ACTN3: variants seen among roughly 807,000 people sequenced by gnomAD.
ACTN3 encodes the protein actinin alpha 3.
ACTN3 carries 91 observed loss-of-function variants against 119.6 expected under a neutral mutation model. The ratio of observed to expected loss-of-function variants is 0.76; its 90% confidence interval spans 0.64 to 0.91. ACTN3 has a LOEUF of 0.91. Among genes scored for constraint, ACTN3 ranks in the 40% least tolerant of loss-of-function variants. The pLI is 0.00. For missense variants in ACTN3, 1,221 were observed against 1,215.1 expected (o/e 1.00, Z -0.07); for synonymous variants, 456 against 478.8 (o/e 0.95, Z 0.62).
chr11:66,559,945 C>T lies in ACTN3; in HGVS notation c.1428-23C>T, dbSNP rs763586973. ...CATCTGGGCTGGGGCTGGCCCCACA[C>T]TCGCCCTACTTCTCGCTCCCAGTGA... On this transcript the variant is annotated intron_variant, in intron 12 of 20. Coordinates refer to ENST00000513398, the MANE Select transcript of ACTN3 (RefSeq NM_001104.4). The T allele has an allele frequency of 5.7e-6, 9 of 1,570,986 alleles. No homozygotes were observed. In the East Asian group the frequency reaches 7.1e-5, roughly 12 times the overall value.
At chr11:66,551,669 T>A (rs950635457) in intron 3 of ACTN3, 22 bp downstream of exon 3, 3 of 1,612,466 alleles carry the variant, frequency 1.9e-6, no homozygotes, top group Middle Eastern at 4.0e-4. Context: ...GCAGGAAGGG[T>A]CTTGGGCAGG....
Position 66,551,302 on chromosome 11 carries a change from GA to G in ACTN3, c.213del (p.Asp72IlefsTer63). On this transcript the variant is annotated frameshift_variant, in exon 2 of 21. Transcript: ENST00000513398. LOFTEE classifies it high-confidence loss of function. ...AGGCACCCAGATCGAGAACATCGAGGAAGATTTCCGCAATGGCCTCAAACTC... is the reference window on the plus strand; with the variant it reads ...AGGCACCCAGATCGAGAACATCGAGGAGATTTCCGCAATGGCCTCAAACTC... Reference protein sequence around the residue: ...KAGTQIENIEEDFRNGLKLML... With the variant: ...KAGTQIENIEXDFRNGLKLML... 1 of 1,612,326 alleles carries G rather than the reference GA, an allele frequency of 6.2e-7. No individual in the cohort carries two copies. Among genetic ancestry groups the G allele is most frequent in the Non-Finnish European group, 8.5e-7 (1 of 1,179,200 alleles).
Position 66,563,257 on chromosome 11 carries a change from C to T in ACTN3, c.*64C>T, listed in dbSNP as rs952969280. 24 of 1,513,298 alleles carry T rather than the reference C, an allele frequency of 1.6e-5. No homozygotes were observed. The highest frequency in any genetic ancestry group is 5.2e-5 in the South Asian group (4 of 77,500). 93.7% of individuals were successfully genotyped at this position (1,513,298 alleles called of 1,614,324 possible). On this transcript the variant is annotated 3_prime_UTR_variant, in exon 21 of 21. Coordinates refer to ENST00000513398, the MANE Select transcript of ACTN3 (RefSeq NM_001104.4). ...GATGCACCCTGTGGCTGATCCCATC[C>T]GTCCCTCGGAGCAAGGGCCTAAGAG...
chr11:66,555,244 C>T (rs765744438), intron 6 of ACTN3, 36 bp downstream of exon 6: 1 of 1,613,934 alleles, frequency 6.2e-7, no homozygotes, highest in South Asian at 1.1e-5. Flanking sequence ...AAGGCCTCTG[C>T]CTGCAGCTGA....
chr11:66,546,624 T>C, upstream of ACTN3: 1 of 1,534,770 alleles, frequency 6.5e-7, no homozygotes, highest in African/African-American at 1.4e-5. Context: ...GCCTTTCTAT[T>C]GTGGAGAGGA....
Position 66,557,681 on chromosome 11 carries a change from C to G in ACTN3, c.898-18C>G. 1 of 1,598,222 alleles carries G rather than the reference C, an allele frequency of 6.3e-7. No individual in the cohort carries two copies. The highest frequency in any genetic ancestry group is 1.7e-5 in the Admixed American group (1 of 57,784). Reference sequence around the variant, plus strand: ...TCAGCGCAGAGCTGTCTGCCTTGCCCCTGCCTGGCCCTGTCAGCTGCTGGA... The same window carrying G: ...TCAGCGCAGAGCTGTCTGCCTTGCCGCTGCCTGGCCCTGTCAGCTGCTGGA... On this transcript the variant is annotated intron_variant, in intron 9 of 20. Coordinates refer to ENST00000513398, the MANE Select transcript of ACTN3 (RefSeq NM_001104.4).
At chr11:66,546,881 T>A, upstream of ACTN3, 2 of 1,513,036 alleles carry the variant, frequency 1.3e-6, no homozygotes, top group Non-Finnish European at 1.8e-6. Context: ...CCCTACTTAA[T>A]GGGGCCCGGG....
Position 66,560,071 on chromosome 11 carries a change from C to A in ACTN3, c.1531C>A (p.Leu511Ile), listed in dbSNP as rs1857711247. 6.5e-7 allele frequency: 1 copy of A among 1,535,578 alleles called. No homozygotes were observed. The highest frequency in any genetic ancestry group is 8.8e-7 in the Non-Finnish European group (1 of 1,139,724). The part of the protein sequence containing the change: ...GTLTQKRRDA[L>I]ERMEKLLETI... Reference sequence around the variant, plus strand: ...CCTGACCCAGAAGAGGCGGGATGCGCTAGAGGTGGGGCTGGGGGCCGGGGA... The same window carrying A: ...CCTGACCCAGAAGAGGCGGGATGCGATAGAGGTGGGGCTGGGGGCCGGGGA... The change falls in exon 13 of 21, where the codon CTA becomes ATA. Residue 511 changes from leucine to isoleucine, a missense_variant. Physicochemically the swap from Leu to Ile is conservative, Grantham distance 5. Transcript: ENST00000513398.
At chr11:66,551,709 T>G (rs1857476145) in intron 3 of ACTN3, 62 bp downstream of exon 3, 1 of 1,599,770 alleles carries the variant, frequency 6.3e-7, no homozygotes. Context: ...CATCAGCAAA[T>G]CACCTCTGTG....
chr11:66,559,932 G>T (rs559499405), intron 12 of ACTN3, 36 bp from the exon 13 acceptor site: 2 of 1,557,526 alleles, frequency 1.3e-6, no homozygotes, highest in South Asian at 2.4e-5. Context: ...TCTGGGCTGG[G>T]GCTGGCCCCA....
intron 1 of ACTN3, among the ~76,000 whole-genome samples, chr11:66,549,151 G>C (rs945404813): frequency 1.3e-5 from 2 of 152,190 alleles, no homozygotes; most frequent in Non-Finnish European, 2.9e-5. Flanking sequence ...CATTCCAGCA[G>C]TGCCCAGATC....
rs377760740 is a variant in ACTN3 at position 66,558,052 on chromosome 11, T to C, written c.1154T>C (p.Leu385Pro). 3.1e-6 allele frequency: 5 copies of C among 1,613,736 alleles called. No individual in the cohort carries two copies. Among genetic ancestry groups the C allele is most frequent in the African/African-American group, 1.3e-5 (1 of 74,928 alleles). Residue 385 changes from leucine (L) to proline (P), a missense_variant, in exon 11 of 21, where the codon CTG becomes CCG. Physicochemically the swap from Leu to Pro is moderately conservative, Grantham distance 98. Coordinates refer to ENST00000513398, the MANE Select transcript of ACTN3 (RefSeq NM_001104.4). The stretch of plus-strand genomic sequence containing the variant: ...GACATCGCCAACGCCTGGCGGGGGC[T>C]GGAGCAGGTGGAAAAGGGCTATGAG... The part of the protein sequence containing the change: ...VSDIANAWRG[L>P]EQVEKGYEDW...
rs765111052 is a variant in ACTN3 at position 66,560,590 on chromosome 11, C to T, written c.1695C>T (p.His565=). ...VEETQSLLTA[H]DQFKATLPEA... Reference sequence around the variant, plus strand: ...GTCCCCAGAGCCTGCTGACAGCGCACGATCAGTTCAAGGCAACACTGCCCG... The same window carrying T: ...GTCCCCAGAGCCTGCTGACAGCGCATGATCAGTTCAAGGCAACACTGCCCG... The change falls in exon 15 of 21, where the codon CAC becomes CAT. Residue 565 remains histidine, a synonymous_variant. Coordinates refer to ENST00000513398, the MANE Select transcript of ACTN3 (RefSeq NM_001104.4). 77 of 1,612,076 alleles carry T rather than the reference C, an allele frequency of 4.8e-5. No individual in the cohort carries two copies. Among genetic ancestry groups the T allele is most frequent in the Admixed American group, 2.5e-4 (15 of 59,894 alleles).
Position 66,559,331 on chromosome 11 carries a change from C to G in ACTN3, c.1372C>G (p.Leu458Val). 1.3e-6 allele frequency: 2 copies of G among 1,576,732 alleles called. No homozygotes were observed. Among genetic ancestry groups the G allele is most frequent in the Non-Finnish European group, 1.7e-6 (2 of 1,163,960 alleles). Reference protein sequence around the residue: ...LRRHEAFESDLAAHQDRVEHI... With the variant: ...LRRHEAFESDVAAHQDRVEHI... ...GCGCCACGAGGCCTTTGAGAGCGAC[C>G]TGGCGGCGCACCAGGACCGCGTGGA... The change falls in exon 12 of 21, where the codon CTG (leucine) becomes GTG (valine). Residue 458 changes from leucine to valine, a missense_variant. Physicochemically the swap from Leu to Val is conservative, Grantham distance 32. Around this residue, in one of 3 missense-constraint regions of ACTN3, gnomAD observed 934 missense variants for 899.9 expected, o/e 1.04. Transcript: ENST00000513398.
Position 66,561,607 on chromosome 11 carries a change from C to A in ACTN3, c.2145C>A (p.Phe715Leu). The A allele has an allele frequency of 1.2e-6, 2 of 1,612,628 alleles. No homozygotes were observed. Among genetic ancestry groups the A allele is most frequent in the African/African-American group, 1.3e-5 (1 of 75,000 alleles). The change falls in exon 17 of 21, where the codon TTC becomes TTA. Residue 715 changes from phenylalanine (F) to leucine (L), a missense_variant. Phe to Leu is a conservative substitution (Grantham distance 22). Coordinates refer to ENST00000513398, the MANE Select transcript of ACTN3 (RefSeq NM_001104.4). ...AGCTGCTGCAGGAGAGCCTGGTGTT[C>A]GACAATAAGCACACCGTCTACAGCA... ...DHQLLQESLV[F>L]DNKHTVYSME... is the part of the protein sequence containing the mutation.
intron 11 of ACTN3, chr11:66,558,988 T>A (rs1425482196): frequency 2.6e-6 from 1 of 386,314 alleles, no homozygotes; most frequent in Non-Finnish European, 4.6e-6. Flanking sequence ...GGTCAAATTA[T>A]GCTAAAACTG....
rs764995968 is a variant in ACTN3, at chr11:66,557,812, C to G, written c.1011C>G (p.His337Gln). ...ACTTTCGGGACTACCGGCGTCTGCA[C>G]AAGCCGCCCCGCATTCAGGAAAAGT... ...LEDFRDYRRL[H>Q]KPPRIQEKCQ... is the part of the protein sequence containing the mutation. The change falls in exon 10 of 21, where the codon CAC (histidine) becomes CAG (glutamine). Residue 337 changes from histidine (H) to glutamine (Q), a missense_variant. Around this residue, in one of 3 missense-constraint regions of ACTN3, gnomAD observed 934 missense variants for 899.9 expected, o/e 1.04. Coordinates refer to ENST00000513398, the MANE Select transcript of ACTN3 (RefSeq NM_001104.4). 2 of 1,614,074 alleles carry G rather than the reference C, an allele frequency of 1.2e-6. No homozygotes were observed. Among genetic ancestry groups the G allele is most frequent in the South Asian group, 2.2e-5 (2 of 91,044 alleles).
intron 1 of ACTN3, among the ~76,000 whole-genome samples, chr11:66,548,866 C>T (rs898400884): frequency 6.6e-6 from 1 of 152,178 alleles, no homozygotes; most frequent in South Asian, 2.1e-4. Context: ...CCAATCCTGC[C>T]TTGTCCCCCA....
chr11:66,560,419 C>A, intron 14 of ACTN3, 108 bp downstream of exon 14: 1 of 1,490,370 alleles, frequency 6.7e-7, no homozygotes, highest in Non-Finnish European at 9.0e-7. Context: ...AGGAAAACCC[C>A]AGTTCCCGAG....
Sources: gnomAD v4.1 joint callset for allele counts (sites outside exome capture counted in the v4.1 genomes callset) on GRCh38, gnomAD v4.1.1 for gene constraint, gnomAD v4.1.1 regional missense constraint, MANE v1.5 for transcripts, NCBI Gene and HGNC (gene_info 2026-07-23, HGNC 2026-07-21) for gene names.